DPY19L1: variants seen among roughly 807,000 people sequenced by gnomAD.
DPY19L1 encodes the protein protein C-mannosyl-transferase DPY19L1.
Under a neutral mutation model 96.9 loss-of-function variants are expected in DPY19L1, and 35 were observed. The ratio of observed to expected loss-of-function variants is 0.36; its 90% CI spans 0.28 to 0.48. The LOEUF (loss-of-function observed/expected upper bound fraction) is 0.48. Ranked by LOEUF, DPY19L1 falls within the 20% of genes least tolerant of loss-of-function variation. The probability of loss-of-function intolerance (pLI) is 0.99; values close to 1 mark genes in which losing one functional copy is unlikely to be tolerated. For missense variants in DPY19L1, 521 were observed against 777.9 expected, an observed-to-expected ratio of 0.67 and a Z score of 3.93; for synonymous variants, 205 against 252.6, an observed-to-expected ratio of 0.81 and a Z score of 1.79.
chr7:35,032,901 C>T (rs1173959034), intron 1 of DPY19L1, among the ~76,000 whole-genome samples: 1 of 152,170 alleles, frequency 6.6e-6, no homozygotes, highest in Admixed American at 6.5e-5. Context: ...TCTCCATCTC[C>T]ACAGCCACCG....
intron 11 of DPY19L1, 149 bp downstream of exon 11, chr7:34,957,835 G>T: frequency 4.2e-6 from 2 of 478,548 alleles, no homozygotes; most frequent in South Asian, 3.2e-5. Flanking sequence ...TTTTAGAATT[G>T]AGTACTTGAA....
At position 34,969,641 on chromosome 7, in the gene DPY19L1, C is replaced by T. The variant is rs1784684190; in HGVS notation, c.915-109G>A. The T allele has an allele frequency of 5.9e-6, 3 of 508,074 alleles. No individual in the cohort carries two copies. The South Asian group carries it at 2.2e-4, about 38-fold the overall frequency. 31.5% of individuals were successfully genotyped at this position (508,074 alleles called of 1,614,324 possible). A position where few individuals can be genotyped will look rare whatever the true frequency, so the allele number is the denominator to read the frequency against. ...AAATATATATGATCTGGTTATAACACAACCTAAACATAAAATGAACCAATG... is the reference window on the plus strand; with the variant it reads ...AAATATATATGATCTGGTTATAACATAACCTAAACATAAAATGAACCAATG... On this transcript the variant is annotated intron_variant, in intron 8 of 21. Transcript: ENST00000638088.
intron 11 of DPY19L1, 92 bp downstream of exon 11, chr7:34,957,892 C>A (rs1470579636): frequency 1.3e-6 from 1 of 778,170 alleles, no homozygotes. Context: ...ATGGTTCCTA[C>A]AGAAAACCCT....
chr7:34,937,920 C>G, intron 21 of DPY19L1, 74 bp downstream of exon 21: 1 of 1,514,792 alleles, frequency 6.6e-7, no homozygotes, highest in Non-Finnish European at 9.0e-7. Context: ...CCGCCACCAG[C>G]AAAGCATGTG....
intron 7 of DPY19L1, among the ~76,000 whole-genome samples, chr7:34,987,102 T>C (rs1250905211): frequency 1.3e-5 from 2 of 152,060 alleles, no homozygotes; most frequent in Non-Finnish European, 2.9e-5. Context: ...TACACATTCA[T>C]GTGCTTTTCT....
At chr7:35,017,089 G>C (rs542917961) in intron 3 of DPY19L1, among the ~76,000 whole-genome samples, 1 of 151,806 alleles carries the variant, frequency 6.6e-6, no homozygotes, top group South Asian at 2.1e-4. Context: ...ATGTTTTCCA[G>C]TATGTCTTGT....
chr7:34,992,392 C>A (rs564445360), intron 6 of DPY19L1, among the ~76,000 whole-genome samples: 4 of 152,054 alleles, frequency 2.6e-5, no homozygotes, highest in East Asian at 1.9e-4. Context: ...AAAAACAACC[C>A]CTTTAAGCCT....
At chr7:34,939,162 A>T in intron 20 of DPY19L1, 114 bp downstream of exon 20, 1 of 873,214 alleles carries the variant, frequency 1.1e-6, no homozygotes, top group South Asian at 2.1e-5. Context: ...TGACTCGATA[A>T]GCCTCAGTTC....
At chr7:34,988,051 C>T (rs1374222842) in intron 7 of DPY19L1, 1 of 151,974 alleles carries the variant, frequency 6.6e-6, no homozygotes, top group East Asian at 1.9e-4. Context: ...AATTCATCAG[C>T]CTGAAAAGCC....
intron 1 of DPY19L1, among the ~76,000 whole-genome samples, chr7:35,021,958 T>C (rs1309069201): frequency 6.6e-6 from 1 of 152,194 alleles, no homozygotes; most frequent in Non-Finnish European, 1.5e-5. Flanking sequence ...ACATTACACA[T>C]ATGTATGTCA....
At chr7:34,941,226 G>A (rs1462373308) in intron 18 of DPY19L1, among the ~76,000 whole-genome samples, 1 of 152,144 alleles carries the variant, frequency 6.6e-6, no homozygotes, top group Admixed American at 6.5e-5. Flanking sequence ...CTGATGGAAA[G>A]GTGACACTAT....
chr7:34,995,457 T>G (rs549467208), intron 6 of DPY19L1, among the ~76,000 whole-genome samples: 51 of 152,302 alleles, frequency 3.3e-4, no homozygotes, highest in African/African-American at 1.2e-3. Context: ...AAACCTTGAT[T>G]TTTCTTAGAT....
chr7:34,965,349 G>A (rs1784587049), intron 10 of DPY19L1, among the ~76,000 whole-genome samples: 1 of 152,258 alleles, frequency 6.6e-6, no homozygotes, highest in African/African-American at 2.4e-5. Context: ...GTAAGTAGCA[G>A]AAATCTGAGT....
Position 34,954,866 on chromosome 7 carries a change from A to G in DPY19L1, c.1240-88T>C, listed in dbSNP as rs1584214882. 1.2e-5 allele frequency: 7 copies of G among 593,212 alleles called. No homozygotes were observed. The East Asian group carries it at 2.1e-4, about 18-fold the overall frequency. The allele number at this position is 593,212 out of a possible 1,614,324, so 36.7% of individuals were successfully genotyped here. ...AAAAAAATAAATGCTTTAATCATAC[A>G]TGAAATACATATTACTATCTACAAG... On this transcript the variant is annotated intron_variant, in intron 12 of 21. Coordinates refer to ENST00000638088, the MANE Select transcript of DPY19L1 (RefSeq NM_001366673.1).
intron 16 of DPY19L1, among the ~76,000 whole-genome samples, chr7:34,943,070 C>T (rs1784060514): frequency 6.6e-6 from 1 of 152,218 alleles, no homozygotes; most frequent in African/African-American, 2.4e-5. Flanking sequence ...GTTGACAACA[C>T]ACACCTTCTC....
chr7:34,956,509 A>AT lies in DPY19L1; in HGVS notation c.1180-1143dup, dbSNP rs1167215800. Among the ~76,000 whole-genome samples, 659 of 145,312 alleles carry AT rather than the reference A, an allele frequency of 4.5e-3. 1 individual carries two copies. Among genetic ancestry groups the AT allele is most frequent in the Non-Finnish European group, 6.6e-3 (438 of 66,042 alleles). On this transcript the variant is annotated intron_variant, in intron 11 of 21. Transcript: ENST00000638088. ...AGAGGCATATTTTTGAGAAATGGGT[A>AT]TTTTTTTTTTTTTTTGAAATGGAGT...
At chr7:34,984,813 C>CCCACTCTATCCTACCTCCAATTATTA in intron 7 of DPY19L1, among the ~76,000 whole-genome samples, 1 of 140,276 alleles carries the variant, frequency 7.1e-6, no homozygotes, top group African/African-American at 2.7e-5. Flanking sequence ...GAAATCTGCT[C>CCCACTCTATCCTACCTCCAATTATTA]CCACTCTATC....
chr7:34,977,704 C>A (rs1584232785), intron 7 of DPY19L1, among the ~76,000 whole-genome samples: 2 of 151,996 alleles, frequency 1.3e-5, no homozygotes, highest in East Asian at 1.9e-4. Context: ...AATATTTTTT[C>A]TTTATCTCAT....
In DPY19L1 at chr7:34,956,570, G is replaced by A. The variant is rs1287946839; in HGVS notation, c.1180-1203C>T. Among the ~76,000 whole-genome samples, 7 of 151,122 alleles carry A rather than the reference G, an allele frequency of 4.6e-5. No homozygotes were observed. In the South Asian group the frequency reaches 6.3e-4, roughly 14 times the overall value. Reference sequence around the variant, plus strand: ...TGCCCATGCTGGAGTGTAGTGGCGCGATCTCAGCTCACTGCAAGCTCCGCC... The same window carrying A: ...TGCCCATGCTGGAGTGTAGTGGCGCAATCTCAGCTCACTGCAAGCTCCGCC... On this transcript the variant is annotated intron_variant, in intron 11 of 21. Coordinates refer to ENST00000638088, the MANE Select transcript of DPY19L1 (RefSeq NM_001366673.1).
Sources: allele counts gnomAD v4.1 joint callset (sites outside exome capture counted in the v4.1 genomes callset), GRCh38; gene constraint gnomAD v4.1.1; transcripts MANE v1.5; gene names NCBI Gene and HGNC (gene_info 2026-07-23, HGNC 2026-07-21).